Variants in FMNL1 observed in about 807,000 individuals in gnomAD.
The protein encoded by FMNL1 is formin-like protein 1.
Under a neutral mutation model 121.3 loss-of-function variants are expected in FMNL1, and 43 were observed. The ratio of observed to expected loss-of-function variants is 0.35; its 90% CI spans 0.28 to 0.46. The LOEUF is 0.46. Among genes scored for constraint, FMNL1 ranks in the 20% least tolerant of loss-of-function variants. FMNL1 has a pLI of 1.00. For synonymous variants in FMNL1, 613 were observed against 613.5 expected (o/e 1.00, Z 0.01); for missense variants, 1,191 against 1,482.4 (o/e 0.80, Z 3.23).
Position 45,222,268 on chromosome 17 carries a change from G to A in FMNL1, c.129+15G>A, listed in dbSNP as rs2043241625. On this transcript the variant is annotated intron_variant, in intron 1 of 26. Coordinates refer to ENST00000331495, the MANE Select transcript of FMNL1 (RefSeq NM_005892.4). ...ACCGCGCCCTGGTGAGTGCGACCCG[G>A]AGGCGGGTCGGGCGCGGGCGGGGGG... The A allele has an allele frequency of 1.7e-6, 2 of 1,174,522 alleles. No individual in the cohort carries two copies. The highest frequency in any genetic ancestry group is 4.1e-5 in the South Asian group (1 of 24,420). 72.8% of individuals were successfully genotyped at this position (1,174,522 alleles called of 1,614,324 possible). A position where few individuals can be genotyped will look rare whatever the true frequency, so the allele number is the denominator to read the frequency against.
intron 1 of FMNL1, among the ~76,000 whole-genome samples, chr17:45,227,234 C>T (rs1272200099): frequency 3.3e-5 from 5 of 152,276 alleles, no homozygotes; most frequent in Admixed American, 6.5e-5. Flanking sequence ...GAGACGTAGG[C>T]TCCGCTCAAA....
At chr17:45,230,760 T>C in intron 2 of FMNL1, 73 bp downstream of exon 2, 2 of 1,506,782 alleles carry the variant, frequency 1.3e-6, no homozygotes, top group East Asian at 2.3e-5. Flanking sequence ...GCTGGGGCTA[T>C]GGGGAGAGGG....
chr17:45,234,324 G>A (rs1434484420), intron 6 of FMNL1, 124 bp downstream of exon 6: 11 of 1,510,430 alleles, frequency 7.3e-6, no homozygotes, highest in South Asian at 1.2e-5. Context: ...TTAGGGGTCC[G>A]AGTAAGGGAC....
intron 1 of FMNL1, among the ~76,000 whole-genome samples, chr17:45,228,329 G>A (rs973096360): frequency 3.3e-5 from 5 of 152,132 alleles, no homozygotes; most frequent in Admixed American, 3.3e-4. Flanking sequence ...GGTGGGGAAG[G>A]GGCATGGGCA....
chr17:45,231,987 G>C lies in FMNL1; in HGVS notation c.214-380G>C, dbSNP rs1023444115. ...CTGGGAGCCCATACAGGAAGGGCAG[G>C]CTAGGCCTAGGCCAGGGGTTTTTAA... On this transcript the variant is annotated intron_variant, in intron 2 of 26. Coordinates refer to ENST00000331495, the MANE Select transcript of FMNL1 (RefSeq NM_005892.4). This position sits in a 1 kb window ranked among gnomAD's most constrained non-coding sequence, Gnocchi z 4.7. 5.3e-5 allele frequency among the ~76,000 whole-genome samples: 8 copies of C among 152,266 alleles called. No homozygotes were observed. Among genetic ancestry groups the C allele is most frequent in the Middle Eastern group, 6.8e-3 (2 of 294 alleles).
chr17:45,229,412 C>T (rs1388626903), intron 1 of FMNL1, among the ~76,000 whole-genome samples: 1 of 152,188 alleles, frequency 6.6e-6, no homozygotes, highest in African/African-American at 2.4e-5. Context: ...GTGGGTGTGG[C>T]CCTCTGACTG....
chr17:45,233,782 C>G lies in FMNL1; in HGVS notation c.485+51C>G. The G allele has an allele frequency of 6.2e-7, 1 of 1,603,206 alleles. No homozygotes were observed. ...TGCCGCTCCTCAGAGCTTTGATCCC[C>G]GTCTCCCTGCATCTCACCCACTCCC... is the stretch of plus-strand genomic sequence containing the variant. On this transcript the variant is annotated intron_variant, in intron 5 of 26. Transcript: ENST00000331495. This position sits in a 1 kb window ranked among gnomAD's most constrained non-coding sequence, Gnocchi z 4.1.
intron 16 of FMNL1, 23 bp from the exon 17 acceptor site, chr17:45,243,095 G>A (rs747005806): frequency 7.4e-6 from 12 of 1,613,022 alleles, no homozygotes; most frequent in East Asian, 4.5e-5. Flanking sequence ...ACCCAGCTCC[G>A]CCTCCTCACC....
rs2043419364 is a variant in FMNL1, at chr17:45,230,677, TC to T, written c.204del (p.Cys69ValfsTer19). 6.8e-6 allele frequency: 11 copies of T among 1,613,664 alleles called. No homozygotes were observed. The highest frequency in any genetic ancestry group is 9.3e-6 in the Non-Finnish European group (11 of 1,179,814). ...GACAACGAGAAGAAGTGGGAGCTCA[TC>T]TGTGATCAGGTAGGTGCCAGCACTG... ...QYDNEKKWEL[I>X]CDQERFQVKN... is the part of the protein sequence containing the mutation. On this transcript the variant is annotated frameshift_variant, in exon 2 of 27. Coordinates refer to ENST00000331495, the MANE Select transcript of FMNL1 (RefSeq NM_005892.4). LOFTEE classifies it high-confidence loss of function.
Position 45,238,637 on chromosome 17 carries a change from T to A in FMNL1, c.968T>A (p.Met323Lys), listed in dbSNP as rs753082691. The change falls in exon 10 of 27, where the codon ATG (methionine) becomes AAG (lysine). Residue 323 changes from methionine (M) to lysine (K), a missense_variant and splice_region_variant. By Grantham distance (95) the Met-to-Lys change is moderately conservative. Coordinates refer to ENST00000331495, the MANE Select transcript of FMNL1 (RefSeq NM_005892.4). ...FRNEDSNIDF[M>K]VACMQFINIV... ...AATGAGGACAGCAACATCGACTTCA[T>A]GGTGAGCTCAGGAGCCCAGCAGCCT... 7.4e-6 allele frequency: 12 copies of A among 1,614,018 alleles called. No homozygotes were observed. The highest frequency in any genetic ancestry group is 1.0e-5 in the Non-Finnish European group (12 of 1,180,008).
Position 45,246,479 on chromosome 17 carries a change from C to T in FMNL1, c.3212-26C>T, listed in dbSNP as rs757124109. The T allele has an allele frequency of 5.6e-6, 9 of 1,613,948 alleles. No homozygotes were observed. The South Asian group carries it at 9.9e-5, about 18-fold the overall frequency. ...CTTTCCTTTTTCCTTTCTCTACTCC[C>T]CTTCACCTGCCCCACCCCCACTCAG... On this transcript the variant is annotated intron_variant, in intron 25 of 26. Coordinates refer to ENST00000331495, the MANE Select transcript of FMNL1 (RefSeq NM_005892.4).
At chr17:45,226,299 C>T (rs1450438223) in intron 1 of FMNL1, among the ~76,000 whole-genome samples, 1 of 152,216 alleles carries the variant, frequency 6.6e-6, no homozygotes, top group East Asian at 1.9e-4. Flanking sequence ...CCACTTCCCC[C>T]TGAGAGAGGG....
chr17:45,234,213 C>T lies in FMNL1; in HGVS notation c.614+13C>T. On this transcript the variant is annotated intron_variant, in intron 6 of 26. Transcript: ENST00000331495. ...ACCTGACCATCAAGTATGTGGGCCA[C>T]AAAGTGGGGTGGTGGGAGAACAGAG... 1 of 1,613,980 alleles carries T rather than the reference C, an allele frequency of 6.2e-7. No individual in the cohort carries two copies. Among genetic ancestry groups the T allele is most frequent in the African/African-American group, 1.3e-5 (1 of 75,032 alleles).
rs757493166 is a variant in FMNL1 at position 45,233,761 on chromosome 17, G to A, written c.485+30G>A. The A allele has an allele frequency of 1.1e-5, 17 of 1,611,326 alleles. No individual in the cohort carries two copies. The highest frequency in any genetic ancestry group is 4.5e-5 in the East Asian group (2 of 44,868). ...GCCCCCTGCTCCCAGCCCTCATGCCGCTCCTCAGAGCTTTGATCCCCGTCT... is the reference window on the plus strand; with the variant it reads ...GCCCCCTGCTCCCAGCCCTCATGCCACTCCTCAGAGCTTTGATCCCCGTCT... On this transcript the variant is annotated intron_variant, in intron 5 of 26. Coordinates refer to ENST00000331495, the MANE Select transcript of FMNL1 (RefSeq NM_005892.4). This position sits in a 1 kb window ranked among gnomAD's most constrained non-coding sequence, Gnocchi z 4.1.
intron 1 of FMNL1, 116 bp from the exon 2 acceptor site, chr17:45,230,488 T>C: frequency 1.2e-6 from 1 of 838,498 alleles, no homozygotes; most frequent in Non-Finnish European, 2.0e-6. Flanking sequence ...GGTCAGAGGA[T>C]TCATGGGGGT....
chr17:45,247,122 A>AG lies in FMNL1; in HGVS notation c.*267dup, dbSNP rs2043856555. 3.4e-6 allele frequency: 2 copies of AG among 588,636 alleles called. No individual in the cohort carries two copies. The highest frequency in any genetic ancestry group is 6.1e-6 in the Non-Finnish European group (2 of 327,918). The allele number at this position is 588,636 out of a possible 1,614,324, so 36.5% of individuals were successfully genotyped here. On this transcript the variant is annotated 3_prime_UTR_variant, in exon 27 of 27. Transcript: ENST00000331495. ...TGGTGCATCCTCCTCTTGGCCACAG[A>AG]GGGCAGCATCGCCCGCCCCTTCCCC...
intron 6 of FMNL1, among the ~76,000 whole-genome samples, chr17:45,235,874 C>T (rs2043538175): frequency 6.6e-6 from 1 of 152,188 alleles, no homozygotes; most frequent in Non-Finnish European, 1.5e-5. Flanking sequence ...TCCCATGTCT[C>T]TTCCTTCTAT....
At chr17:45,227,184 T>G (rs919338312) in intron 1 of FMNL1, among the ~76,000 whole-genome samples, 9 of 152,194 alleles carry the variant, frequency 5.9e-5, no homozygotes, top group African/African-American at 2.2e-4. Flanking sequence ...ACCCTGGGGC[T>G]TGAAGGGCTA....
At chr17:45,226,733 C>T (rs1190290818) in intron 1 of FMNL1, among the ~76,000 whole-genome samples, 2 of 152,110 alleles carry the variant, frequency 1.3e-5, no homozygotes, top group African/African-American at 2.4e-5. Context: ...GTCTGGGGAG[C>T]GTTTGTTATT....
Sources: gnomAD v4.1 joint callset for allele counts (sites outside exome capture counted in the v4.1 genomes callset) on GRCh38, gnomAD v4.1.1 for gene constraint, Gnocchi (gnomAD v3.1) non-coding constraint, MANE v1.5 for transcripts, NCBI Gene and HGNC (gene_info 2026-07-23, HGNC 2026-07-21) for gene names.